The following HMGCLL1 variants were observed in gnomAD, a reference collection of about 807,000 sequenced individuals.
The protein encoded by HMGCLL1 is 3-hydroxy-3-methylglutaryl-CoA lyase like 1.
In HMGCLL1, 36 loss-of-function variants were observed where a neutral mutation model predicts 39.1. That is an observed-to-expected ratio of 0.92 (90% CI 0.71 to 1.22). The LOEUF (loss-of-function observed/expected upper bound fraction) is 1.22, where lower values mean the gene tolerates loss of function less well. Among genes scored for constraint, HMGCLL1 ranks in the 50% most tolerant of loss-of-function variants. The pLI is 0.00. For synonymous variants in HMGCLL1, 149 were observed against 144.0 expected (o/e 1.03, Z -0.25); for missense variants, 451 against 416.5 (o/e 1.08, Z -0.72).
chr6:55,649,140 A>G, the HMGCLL1 span, among the ~76,000 whole-genome samples: 1 of 152,088 alleles, frequency 6.6e-6, no homozygotes, highest in Non-Finnish European at 1.5e-5. Context: ...GTGTTATGAT[A>G]TTCTGTGTTT....
chr6:55,579,864 G>T (rs948986036), upstream of HMGCLL1, among the ~76,000 whole-genome samples: 1 of 152,164 alleles, frequency 6.6e-6, no homozygotes, highest in Admixed American at 6.5e-5. Context: ...ATTTTTAGTG[G>T]AAGAGAGGGT....
At chr6:55,519,828 C>T (rs535885369) in intron 3 of HMGCLL1, among the ~76,000 whole-genome samples, 21 of 151,962 alleles carry the variant, frequency 1.4e-4, no homozygotes, top group Non-Finnish European at 2.1e-4. Context: ...TATCATAAAA[C>T]GGAATAATGG....
At chr6:55,657,432 C>T in the HMGCLL1 span, among the ~76,000 whole-genome samples, 2 of 151,964 alleles carry the variant, frequency 1.3e-5, no homozygotes, top group Non-Finnish European at 1.5e-5. Flanking sequence ...TAGCCCAGTA[C>T]GATTTACTGA....
At chr6:55,553,446 AAAAAATGATG>A (rs993416480) in intron 1 of HMGCLL1, among the ~76,000 whole-genome samples, 7 of 151,998 alleles carry the variant, frequency 4.6e-5, no homozygotes, top group African/African-American at 1.7e-4. Context: ...TCCAAAGAAA[AAAAAATGATG>A]GTATAGTAGG....
chr6:55,652,858 G>A, the HMGCLL1 span, among the ~76,000 whole-genome samples: 2 of 152,044 alleles, frequency 1.3e-5, no homozygotes, highest in African/African-American at 4.8e-5. Context: ...ATTAAGAGCG[G>A]ATCTTGGATT....
At chr6:55,659,200 T>C in the HMGCLL1 span, among the ~76,000 whole-genome samples, 3 of 151,622 alleles carry the variant, frequency 2.0e-5, no homozygotes, top group South Asian at 6.2e-4. Context: ...TGCAATTGAG[T>C]GGATAGAGAT....
At position 55,514,342 on chromosome 6, in the gene HMGCLL1, G is replaced by A; in HGVS notation, c.394-146C>T. ...TTTAAAATTGGATTCCTCTCATCTTGCCACATATATTCTTTCGAAATGTAA... is the reference window on the plus strand; with the variant it reads ...TTTAAAATTGGATTCCTCTCATCTTACCACATATATTCTTTCGAAATGTAA... On this transcript the variant is annotated intron_variant, in intron 4 of 8. Coordinates refer to ENST00000274901, the MANE Select transcript of HMGCLL1 (RefSeq NM_001042406.2). 5.2e-6 allele frequency: 3 copies of A among 573,666 alleles called. No homozygotes were observed. The East Asian group carries it at 9.2e-5, about 18-fold the overall frequency. 35.5% of individuals were successfully genotyped at this position (573,666 alleles called of 1,614,324 possible). A position where few individuals can be genotyped will look rare whatever the true frequency, so the allele number is the denominator to read the frequency against.
intron 7 of HMGCLL1, among the ~76,000 whole-genome samples, chr6:55,465,601 T>A (rs895139558): frequency 1.3e-5 from 2 of 152,104 alleles, no homozygotes; most frequent in Non-Finnish European, 2.9e-5. Context: ...TTCTGGTAGA[T>A]ACCCTTTATG....
chr6:55,472,367 G>C (rs1765085326), intron 7 of HMGCLL1, among the ~76,000 whole-genome samples: 1 of 151,582 alleles, frequency 6.6e-6, no homozygotes, highest in Non-Finnish European at 1.5e-5. Context: ...TTTCTCTGAT[G>C]ACTAGTGAAG....
upstream of HMGCLL1, among the ~76,000 whole-genome samples, chr6:55,582,873 A>G (rs1471698262): frequency 1.3e-5 from 2 of 152,124 alleles, no homozygotes; most frequent in African/African-American, 4.8e-5. Context: ...ATATGTATAC[A>G]TATATGTATG....
intron 7 of HMGCLL1, among the ~76,000 whole-genome samples, chr6:55,453,068 G>A (rs1361925345): frequency 6.6e-6 from 1 of 152,120 alleles, no homozygotes; most frequent in Non-Finnish European, 1.5e-5. Flanking sequence ...GGTGGGGAGA[G>A]GATGTGGGAA....
At chr6:55,527,087 A>G (rs1361704889) in intron 3 of HMGCLL1, among the ~76,000 whole-genome samples, 2 of 152,196 alleles carry the variant, frequency 1.3e-5, no homozygotes, top group East Asian at 1.9e-4. Context: ...CACATCTTCC[A>G]TATCTTCTAC....
chr6:55,641,748 G>A, the HMGCLL1 span, among the ~76,000 whole-genome samples: 1 of 151,700 alleles, frequency 6.6e-6, no homozygotes, highest in Non-Finnish European at 1.5e-5. Context: ...TTGTAAAAGG[G>A]AAGAAAATCA....
intron 1 of HMGCLL1, among the ~76,000 whole-genome samples, chr6:55,568,831 G>A (rs1054014100): frequency 1.3e-5 from 2 of 150,732 alleles, no homozygotes; most frequent in African/African-American, 4.9e-5. Context: ...TAGCCCCTTG[G>A]TTGATTAGGG....
At chr6:55,637,349 G>T in the HMGCLL1 span, among the ~76,000 whole-genome samples, 3 of 152,024 alleles carry the variant, frequency 2.0e-5, no homozygotes, top group African/African-American at 4.8e-5. Flanking sequence ...TGAACATCAG[G>T]TTACTTCGGG....
chr6:55,439,202 G>T (rs932924520), intron 8 of HMGCLL1, among the ~76,000 whole-genome samples: 2 of 152,136 alleles, frequency 1.3e-5, no homozygotes, highest in African/African-American at 4.8e-5. Context: ...TAGAGGTCAT[G>T]AAGCACTATA....
chr6:55,618,082 A>G, the HMGCLL1 span, among the ~76,000 whole-genome samples: 1 of 152,096 alleles, frequency 6.6e-6, no homozygotes, highest in Non-Finnish European at 1.5e-5. Flanking sequence ...CATGATTTTT[A>G]GGAATGCATG....
intron 1 of HMGCLL1, among the ~76,000 whole-genome samples, chr6:55,561,218 C>T (rs1770929632): frequency 2.0e-5 from 3 of 152,070 alleles, no homozygotes; most frequent in Non-Finnish European, 4.4e-5. Flanking sequence ...TTAATAACAA[C>T]TTGGAATATA....
Position 55,454,536 on chromosome 6 carries a change from C to T in HMGCLL1, c.796-14977G>A, listed in dbSNP as rs140267128. On this transcript the variant is annotated intron_variant, in intron 7 of 8. Transcript: ENST00000274901. ...TTTCCCTAGCAGAGCTGAAAAATCA[C>T]TGGTGGGCAAGAGGGAACTAAAATC... 2.6e-5 allele frequency among the ~76,000 whole-genome samples: 4 copies of T among 152,324 alleles called. No homozygotes were observed. The East Asian group carries it at 7.7e-4, about 29-fold the overall frequency.
Sources: allele counts gnomAD v4.1 joint callset (sites outside exome capture counted in the v4.1 genomes callset), GRCh38; gene constraint gnomAD v4.1.1; transcripts MANE v1.5; gene names NCBI Gene and HGNC (gene_info 2026-07-23, HGNC 2026-07-21).